Variants in GALNT16 observed in about 807,000 individuals in gnomAD.
The protein encoded by GALNT16 is UDP-GalNAc:polypeptide N-acetylgalactosaminyltransferase-like protein 1.
GALNT16 carries 40 observed loss-of-function variants against 76.1 expected under a neutral mutation model. The observed-to-expected ratio is 0.53, with a 90% CI of 0.41 to 0.68. GALNT16 has a LOEUF of 0.68. GALNT16 is among the 30% of genes least tolerant of loss of function. The probability of loss-of-function intolerance (pLI) is 0.00; values close to 1 mark genes in which losing one functional copy is unlikely to be tolerated. For synonymous variants in GALNT16, 276 were observed against 285.2 expected (o/e 0.97, Z 0.32); for missense variants, 621 against 731.9 (o/e 0.85, Z 1.75).
chr14:69,287,625 A>G (rs2044631090), intron 1 of GALNT16, among the ~76,000 whole-genome samples: 1 of 152,196 alleles, frequency 6.6e-6, no homozygotes, highest in African/African-American at 2.4e-5. Flanking sequence ...GGAATACATA[A>G]TAAATAAGTG....
At chr14:69,367,772 T>G in the GALNT16 span, among the ~76,000 whole-genome samples, 2 of 152,014 alleles carry the variant, frequency 1.3e-5, no homozygotes, top group South Asian at 4.1e-4. Context: ...GGGAACTGCT[T>G]GAGGCCAGGA....
intron 1 of GALNT16, among the ~76,000 whole-genome samples, chr14:69,312,056 TC>T (rs2045031758): frequency 1.6e-5 from 1 of 61,382 alleles, no homozygotes; most frequent in East Asian, 2.4e-3. Flanking sequence ...AAAAAAAAAA[TC>T]TGTCTATCTA....
intron 1 of GALNT16, among the ~76,000 whole-genome samples, chr14:69,308,826 G>A (rs1014332387): frequency 6.6e-6 from 1 of 152,174 alleles, no homozygotes; most frequent in African/African-American, 2.4e-5. Context: ...TTTAAATGCT[G>A]ATGTTGACAA....
intron 1 of GALNT16, among the ~76,000 whole-genome samples, chr14:69,281,890 C>T (rs1190525593): frequency 2.0e-5 from 3 of 152,186 alleles, no homozygotes; most frequent in Non-Finnish European, 4.4e-5. Context: ...GTCTAAACCC[C>T]AAGTAACCAT....
intron 1 of GALNT16, among the ~76,000 whole-genome samples, chr14:69,297,358 C>T (rs995580138): frequency 6.6e-6 from 1 of 152,052 alleles, no homozygotes; most frequent in Non-Finnish European, 1.5e-5. Flanking sequence ...TTAGCTCTCG[C>T]CTCATTTTCT....
intron 1 of GALNT16, among the ~76,000 whole-genome samples, chr14:69,307,945 A>G (rs2044961291): frequency 6.6e-6 from 1 of 152,020 alleles, no homozygotes; most frequent in South Asian, 2.1e-4. Context: ...GGGAGAAATC[A>G]GGCAAAGTCA....
chr14:69,383,511 T>G, the GALNT16 span, among the ~76,000 whole-genome samples: 110 of 152,230 alleles, frequency 7.2e-4, no homozygotes, highest in Non-Finnish European at 1.4e-3. Context: ...CTCCTGAATA[T>G]TCAAAGAACA....
intron 1 of GALNT16, among the ~76,000 whole-genome samples, chr14:69,309,222 A>C (rs1032994886): frequency 6.6e-6 from 1 of 152,124 alleles, no homozygotes; most frequent in East Asian, 1.9e-4. Flanking sequence ...ATATGGGGAA[A>C]GGGGCACAAA....
chr14:69,275,532 T>C, intron 1 of GALNT16, among the ~76,000 whole-genome samples: 1 of 152,228 alleles, frequency 6.6e-6, no homozygotes, highest in South Asian at 2.1e-4. Context: ...TGTGTGTGTG[T>C]GCGCATGCGC....
intron 1 of GALNT16, among the ~76,000 whole-genome samples, chr14:69,276,313 A>C (rs1345979430): frequency 1.3e-5 from 2 of 152,186 alleles, no homozygotes; most frequent in Non-Finnish European, 2.9e-5. Flanking sequence ...ATCAAAAGAG[A>C]GTGTGACTTT....
intron 1 of GALNT16, among the ~76,000 whole-genome samples, chr14:69,313,268 C>T (rs1303132198): frequency 6.6e-6 from 1 of 152,168 alleles, no homozygotes; most frequent in African/African-American, 2.4e-5. Context: ...TTTGCACTGG[C>T]GAAACTGATA....
At chr14:69,275,407 TATG>T (rs1383691079) in intron 1 of GALNT16, among the ~76,000 whole-genome samples, 1 of 152,078 alleles carries the variant, frequency 6.6e-6, no homozygotes, top group African/African-American at 2.4e-5. Context: ...AGCTGAAAAA[TATG>T]ATGTTAGGGA....
chr14:69,340,449 C>T (rs773615568), intron 11 of GALNT16, among the ~76,000 whole-genome samples: 3 of 151,948 alleles, frequency 2.0e-5, no homozygotes, highest in South Asian at 2.1e-4. Flanking sequence ...GTACTCGATG[C>T]GTGGCGAATT....
At chr14:69,279,489 T>C (rs966976646) in intron 1 of GALNT16, among the ~76,000 whole-genome samples, 5 of 152,166 alleles carry the variant, frequency 3.3e-5, no homozygotes, top group East Asian at 1.9e-4. Context: ...ATAAATGTTA[T>C]GTAGATCTCC....
intron 1 of GALNT16, among the ~76,000 whole-genome samples, chr14:69,284,738 C>T (rs1252139385): frequency 6.6e-6 from 1 of 152,140 alleles, no homozygotes; most frequent in Non-Finnish European, 1.5e-5. Context: ...ACCCAAATCT[C>T]ATCTTGTAGT....
the GALNT16 span, among the ~76,000 whole-genome samples, chr14:69,385,651 G>GAAA: frequency 6.3e-5 from 8 of 126,452 alleles, no homozygotes; most frequent in South Asian, 2.5e-4. Flanking sequence ...TAAAAAAAAG[G>GAAA]AAAAAAAAAA....
At chr14:69,260,052 A>C, upstream of GALNT16, 2 of 435,828 alleles carry the variant, frequency 4.6e-6, no homozygotes, top group East Asian at 4.5e-5. Flanking sequence ...GCACGAATGA[A>C]TGGGCGCCCG....
Position 69,329,123 on chromosome 14 carries a change from CG to C in GALNT16, c.690+556del, listed in dbSNP as rs568389056. ...CTGTAATCCCAGCACTTTGGGAGGC[CG>C]GGGAGGGCAGATCACCTGAGATCGG... is the stretch of plus-strand genomic sequence containing the variant. On this transcript the variant is annotated intron_variant, in intron 6 of 14. Transcript: ENST00000448469. 2.2e-3 allele frequency among the ~76,000 whole-genome samples: 340 copies of C among 152,210 alleles called. 1 individual carries two copies. The highest frequency in any genetic ancestry group is 5.5e-3 in the Admixed American group (84 of 15,290).
chr14:69,325,917 GAT>G (rs774922398), intron 4 of GALNT16, 43 bp from the exon 5 acceptor site: 17 of 1,501,234 alleles, frequency 1.1e-5, no homozygotes, highest in Non-Finnish European at 1.6e-5. Context: ...CTAGTGGCCT[GAT>G]GCCCATGTCT....
Sources: gnomAD v4.1 joint callset for allele counts (sites outside exome capture counted in the v4.1 genomes callset) on GRCh38, gnomAD v4.1.1 for gene constraint, MANE v1.5 for transcripts, NCBI Gene and HGNC (gene_info 2026-07-23, HGNC 2026-07-21) for gene names.